Variants in PCDHA2 observed in about 807,000 individuals in gnomAD.
The protein encoded by PCDHA2 is protocadherin alpha 2.
Under a neutral mutation model 66.0 loss-of-function variants are expected in PCDHA2, and 58 were observed. The ratio of observed to expected loss-of-function variants is 0.88; its 90% CI spans 0.71 to 1.09. PCDHA2 has a LOEUF of 1.09. PCDHA2 is among the 50% of genes least tolerant of loss of function. The pLI is 0.00. For synonymous variants in PCDHA2, 634 were observed against 554.0 expected (o/e 1.14, Z -2.03); for missense variants, 1,267 against 1,242.3 (o/e 1.02, Z -0.30).
rs2097783097 is a variant in PCDHA2, at chr5:140,997,727, C to T, written c.2537-11900C>T. Reference sequence around the variant, plus strand: ...TAACAAACACCTTTCTACGTCAGTACATATAGATTTGCCACAATCTTCTTG... The same window carrying T: ...TAACAAACACCTTTCTACGTCAGTATATATAGATTTGCCACAATCTTCTTG... On this transcript the variant is annotated intron_variant, in intron 3 of 3. Coordinates refer to ENST00000526136, the MANE Select transcript of PCDHA2 (RefSeq NM_018905.3). Among the ~76,000 whole-genome samples the T allele has an allele frequency of 2.0e-5, 3 of 151,244 alleles. No individual in the cohort carries two copies. In the South Asian group the frequency reaches 6.3e-4, roughly 32 times the overall value.
Position 140,841,739 on chromosome 5 carries a change from CTG to C in PCDHA2, c.2388+44389_2388+44390del, listed in dbSNP as rs2150321939. Reference sequence around the variant, plus strand: ...AGTGTTCCGGGTAAAAGACCAAAAGCTGTTTGTTTCAGAATCCAGAATGCCAG... The same window carrying C: ...AGTGTTCCGGGTAAAAGACCAAAAGCTTTGTTTCAGAATCCAGAATGCCAG... On this transcript the variant is annotated intron_variant, in intron 1 of 3. Coordinates refer to ENST00000526136, the MANE Select transcript of PCDHA2 (RefSeq NM_018905.3). 3 of 1,613,880 alleles carry C rather than the reference CTG, an allele frequency of 1.9e-6. No homozygotes were observed. In the East Asian group the frequency reaches 6.7e-5, roughly 36 times the overall value.
chr5:140,985,096 C>A (rs1486346952), intron 3 of PCDHA2, among the ~76,000 whole-genome samples: 1 of 152,096 alleles, frequency 6.6e-6, no homozygotes, highest in Non-Finnish European at 1.5e-5. Context: ...TGCCACCAAG[C>A]CTGGCTAATT....
At chr5:140,883,986 C>T in intron 1 of PCDHA2, 1 of 1,612,808 alleles carries the variant, frequency 6.2e-7, no homozygotes, top group Non-Finnish European at 8.5e-7. Flanking sequence ...GCTGGCAGCG[C>T]GGGAGGCACA....
intron 1 of PCDHA2, chr5:140,834,180 C>T: frequency 1.8e-6 from 1 of 562,966 alleles, no homozygotes; most frequent in East Asian, 2.8e-5. Context: ...ATGATGGCCA[C>T]ATGATGTCGC....
At chr5:140,848,383 C>A in intron 1 of PCDHA2, 1 of 1,197,372 alleles carries the variant, frequency 8.4e-7, no homozygotes, top group Non-Finnish European at 1.2e-6. Flanking sequence ...TTCTTTTTCA[C>A]TCTCTCTGTG....
intron 3 of PCDHA2, among the ~76,000 whole-genome samples, chr5:140,999,630 A>G (rs2097866462): frequency 1.3e-5 from 2 of 152,210 alleles, no homozygotes; most frequent in Non-Finnish European, 2.9e-5. Context: ...GAAACAAGGT[A>G]GAGAAAACTG....
intron 1 of PCDHA2, among the ~76,000 whole-genome samples, chr5:140,949,264 G>A (rs139292588): frequency 4.5e-4 from 69 of 151,784 alleles, no homozygotes; most frequent in Admixed American, 2.4e-3. Flanking sequence ...AACATATCAC[G>A]TGCACTTGAA....
At position 140,883,249 on chromosome 5, in the gene PCDHA2, T is replaced by A. The variant is rs145815075; in HGVS notation, c.2388+85897T>A. On this transcript the variant is annotated intron_variant, in intron 1 of 3. Transcript: ENST00000526136. ...CCGTGGAGGCAGTTGACAAAGGAAA[T>A]ATTCCAATGGCGGGTCATTGTACCC... The A allele has an allele frequency of 5.1e-4, 830 of 1,613,870 alleles. 7 individuals carry two copies. In the African/African-American group the frequency reaches 9.0e-3, roughly 18 times the overall value.
chr5:141,002,356 C>G (rs2098075572), intron 3 of PCDHA2, among the ~76,000 whole-genome samples: 1 of 152,272 alleles, frequency 6.6e-6, no homozygotes, highest in Non-Finnish European at 1.5e-5. Flanking sequence ...CACCTCCACT[C>G]CTTTCAACTC....
intron 3 of PCDHA2, among the ~76,000 whole-genome samples, chr5:140,997,495 C>T (rs1255911617): frequency 6.6e-6 from 1 of 152,078 alleles, no homozygotes; most frequent in East Asian, 1.9e-4. Context: ...ATTTGTGTAT[C>T]TCAACATACC....
chr5:140,996,478 A>C (rs1241472780), intron 3 of PCDHA2, among the ~76,000 whole-genome samples: 1 of 152,214 alleles, frequency 6.6e-6, no homozygotes, highest in East Asian at 1.9e-4. Flanking sequence ...AGTAGTGCTC[A>C]GGCCTGGGCA....
At chr5:140,801,106 C>A in intron 1 of PCDHA2, 1 of 1,507,684 alleles carries the variant, frequency 6.6e-7, no homozygotes, top group Non-Finnish European at 8.8e-7. Context: ...AATTTAACAC[C>A]GAGGAGTTTA....
At chr5:140,929,331 C>G in intron 1 of PCDHA2, 1 of 1,534,960 alleles carries the variant, frequency 6.5e-7, no homozygotes, top group Non-Finnish European at 8.8e-7. Context: ...CCATGGTAAG[C>G]AAATTTTATG....
At chr5:140,926,139 C>A (rs1434952263) in intron 1 of PCDHA2, among the ~76,000 whole-genome samples, 11 of 152,088 alleles carry the variant, frequency 7.2e-5, no homozygotes, top group Non-Finnish European at 1.5e-4. Flanking sequence ...GCAGCAGGAT[C>A]CAGCGCGGAA....
intron 1 of PCDHA2, among the ~76,000 whole-genome samples, chr5:140,912,103 G>A (rs1431283462): frequency 6.6e-6 from 1 of 152,212 alleles, no homozygotes; most frequent in Non-Finnish European, 1.5e-5. Context: ...GGAGAAAGAT[G>A]TAGGCTGGGA....
chr5:140,809,648 G>A (rs1764517800), intron 1 of PCDHA2: 1 of 1,499,082 alleles, frequency 6.7e-7, no homozygotes, highest in South Asian at 1.4e-5. Context: ...TTATTTCTAA[G>A]AGTCAAATTT....
rs782096647 is a variant in PCDHA2 at position 140,796,197 on chromosome 5, C to G, written c.1233C>G (p.Ser411Arg). The G allele has an allele frequency of 1.2e-6, 2 of 1,614,182 alleles. No homozygotes were observed. Among genetic ancestry groups the G allele is most frequent in the Non-Finnish European group, 1.7e-6 (2 of 1,180,036 alleles). Residue 411 changes from serine (S) to arginine (R), a missense_variant, in exon 1 of 4, where the codon AGC becomes AGG. Coordinates refer to ENST00000526136, the MANE Select transcript of PCDHA2 (RefSeq NM_018905.3). ...FKNYYSLVLD[S>R]ALDRESVSAY... ...ATTACTACTCGTTGGTGCTGGACAG[C>G]GCCCTGGACCGCGAGAGCGTGTCAG...
At chr5:140,813,725 G>A (rs1297034121) in intron 1 of PCDHA2, 2 of 152,318 alleles carry the variant, frequency 1.3e-5, no homozygotes, top group East Asian at 3.8e-4. Context: ...GCTGGTCATG[G>A]TGGCTCATGC....
intron 1 of PCDHA2, chr5:140,807,057 TGGAA>T (rs1763836882): frequency 4.6e-6 from 5 of 1,093,530 alleles, no homozygotes; most frequent in Non-Finnish European, 5.3e-6. Flanking sequence ...CTATTCTTAC[TGGAA>T]GGAACCATAT....
Sources: gnomAD v4.1 joint callset for allele counts (sites outside exome capture counted in the v4.1 genomes callset) on GRCh38, gnomAD v4.1.1 for gene constraint, MANE v1.5 for transcripts, NCBI Gene and HGNC (gene_info 2026-07-23, HGNC 2026-07-21) for gene names.